The following FANCD2 variants were observed in gnomAD, a reference collection of about 807,000 sequenced individuals.
FANCD2 encodes Fanconi anemia group D2 protein.
Under a neutral mutation model 192.3 loss-of-function variants are expected in FANCD2, and 131 were observed. The ratio of observed to expected loss-of-function variants is 0.68; its 90% CI spans 0.59 to 0.79. The LOEUF is 0.79. FANCD2 is among the 30% of genes least tolerant of loss of function. The pLI is 0.00. For missense variants in FANCD2, 1,508 were observed against 1,701.6 expected (o/e 0.89, Z 2.00); for synonymous variants, 524 against 612.5 (o/e 0.86, Z 2.13).
intron 6 of FANCD2, 40 bp downstream of exon 6, chr3:10,035,273 G>C (rs555626508): frequency 1.3e-6 from 2 of 1,546,664 alleles, no homozygotes; most frequent in South Asian, 1.1e-5. Flanking sequence ...TGATGGAAGA[G>C]GTTTGTGGTG....
At chr3:10,047,460 A>G (rs1225638490) in intron 15 of FANCD2, among the ~76,000 whole-genome samples, 2 of 152,304 alleles carry the variant, frequency 1.3e-5, no homozygotes, top group African/African-American at 4.8e-5. Context: ...ATTAATGTCT[A>G]TGTACATTGA....
In FANCD2 at chr3:10,035,181, C is replaced by T. The variant is rs932141545; in HGVS notation, c.386C>T (p.Ala129Val). 5.0e-6 allele frequency: 8 copies of T among 1,612,286 alleles called. No homozygotes were observed. The African/African-American group carries it at 6.7e-5, about 13-fold the overall frequency. Residue 129 changes from alanine to valine, a missense_variant, in exon 6 of 44, where the codon GCA becomes GTA. Ala to Val is a moderately conservative substitution (Grantham distance 64). This residue lies in a region of FANCD2 where 435 missense variants were observed against 421.9 expected (regional missense o/e 1.03). Transcript: ENST00000675286. ...TTCTTTTTTTTTTACAGTATGGGTG[C>T]ATCTTATTCTAAGAGTCTCATCAAA... ...RLQDEEASMG[A>V]SYSKSLIKLL...
intron 43 of FANCD2, 48 bp from the exon 44 acceptor site, chr3:10,101,140 C>A (rs775919604): frequency 2.2e-6 from 3 of 1,390,248 alleles, no homozygotes; most frequent in Non-Finnish European, 2.0e-6. Context: ...CAGAGGTCAC[C>A]CAGAGCAGTA....
chr3:10,054,400 TATGTATATACGTATATACATATATAC>T (rs1430958356), intron 18 of FANCD2, among the ~76,000 whole-genome samples: 1 of 105,300 alleles, frequency 9.5e-6, no homozygotes, highest in Non-Finnish European at 1.8e-5. Flanking sequence ...TATATACGTA[TATGTATATACGTATATACATATATAC>T]ATGTATATAC....
Position 10,101,398 on chromosome 3 carries a change from TTTTTA to T in FANCD2, c.*137_*141del. ...TCCTCTTTTTTTTTTTTTTTTTTTT[TTTTTA>T]AAGACGGGGACTCGCTGTGTTTCCC... On this transcript the variant is annotated 3_prime_UTR_variant, in exon 44 of 44. Coordinates refer to ENST00000675286, the MANE Select transcript of FANCD2 (RefSeq NM_001018115.3). The T allele has an allele frequency of 1.5e-6, 1 of 676,004 alleles. No homozygotes were observed. The highest frequency in any genetic ancestry group is 2.5e-6 in the Non-Finnish European group (1 of 396,816). 41.9% of individuals were successfully genotyped at this position (676,004 alleles called of 1,614,324 possible).
At chr3:10,099,812 A>G (rs1695198591) in intron 43 of FANCD2, among the ~76,000 whole-genome samples, 1 of 152,202 alleles carries the variant, frequency 6.6e-6, no homozygotes, top group South Asian at 2.1e-4. Flanking sequence ...CAGGTAGGTT[A>G]TAGACACCAA....
chr3:10,092,334 G>A lies in FANCD2; in HGVS notation c.3849+82G>A, dbSNP rs983077153. 9 of 1,057,508 alleles carry A rather than the reference G, an allele frequency of 8.5e-6. No homozygotes were observed. In the Admixed American group the frequency reaches 1.0e-4, roughly 12 times the overall value. The allele number at this position is 1,057,508 out of a possible 1,614,324, so 65.5% of individuals were successfully genotyped here. A position where few individuals can be genotyped will look rare whatever the true frequency, so the allele number is the denominator to read the frequency against. ...CTGGCTTCCAAAATGGACTTTCCTT[G>A]CTCCTCTTCCCACTCTTCCTTGGGG... On this transcript the variant is annotated intron_variant, in intron 38 of 43. Coordinates refer to ENST00000675286, the MANE Select transcript of FANCD2 (RefSeq NM_001018115.3).
intron 43 of FANCD2, chr3:10,099,310 A>G (rs1470502337): frequency 5.7e-6 from 7 of 1,222,224 alleles, no homozygotes; most frequent in Admixed American, 8.3e-5. Flanking sequence ...GCTTTCGACA[A>G]TTTAAAGAAA....
chr3:10,079,277 C>T (rs1296467461), intron 30 of FANCD2, among the ~76,000 whole-genome samples: 1 of 151,684 alleles, frequency 6.6e-6, no homozygotes, highest in Admixed American at 6.6e-5. Flanking sequence ...AAGTCTGAAA[C>T]AGAAAATAGA....
Position 10,035,170 on chromosome 3 carries a change from C to T in FANCD2, c.378-3C>T, listed in dbSNP as rs74923817. 3 of 1,604,300 alleles carry T rather than the reference C, an allele frequency of 1.9e-6. No homozygotes were observed. Among genetic ancestry groups the T allele is most frequent in the Non-Finnish European group, 2.6e-6 (3 of 1,173,416 alleles). On this transcript the variant is annotated splice_region_variant and splice_polypyrimidine_tract_variant and intron_variant, in intron 5 of 43. Transcript: ENST00000675286. ...GGAAAACAGATTTCTTTTTTTTTTA[C>T]AGTATGGGTGCATCTTATTCTAAGA...
chr3:10,071,127 A>G (rs866431585), intron 26 of FANCD2, among the ~76,000 whole-genome samples: 5,067 of 98,602 alleles, frequency 0.051, 288 homozygotes, highest in African/African-American at 0.22. Context: ...ATGATCGATA[A>G]AAAAAAAAAA....
chr3:10,094,869 A>G (rs1694859186), intron 40 of FANCD2: 3 of 390,260 alleles, frequency 7.7e-6, no homozygotes, highest in East Asian at 5.4e-5. Flanking sequence ...TACTCACCAT[A>G]TTTGGTTGGT....
chr3:10,053,477 T>C (rs770327387), intron 18 of FANCD2, among the ~76,000 whole-genome samples: 1 of 151,826 alleles, frequency 6.6e-6, no homozygotes, highest in Non-Finnish European at 1.5e-5. Flanking sequence ...TGTATACATA[T>C]GTAACTAACC....
intron 43 of FANCD2, among the ~76,000 whole-genome samples, chr3:10,100,412 C>T (rs551986199): frequency 2.0e-5 from 3 of 152,274 alleles, no homozygotes; most frequent in East Asian, 1.9e-4. Flanking sequence ...CTCCCTCTGT[C>T]GCCCAGGCTA....
At chr3:10,042,063 A>C (rs1458614901) in intron 10 of FANCD2, among the ~76,000 whole-genome samples, 1 of 151,912 alleles carries the variant, frequency 6.6e-6, no homozygotes, top group Non-Finnish European at 1.5e-5. Context: ...ACTCCCGGCT[A>C]ATTTTTGTAT....
intron 20 of FANCD2, among the ~76,000 whole-genome samples, 177 bp downstream of exon 20, chr3:10,062,388 G>C (rs993588044): frequency 6.6e-6 from 1 of 151,740 alleles, no homozygotes; most frequent in South Asian, 2.1e-4. Flanking sequence ...TTACAGGCAC[G>C]CACCACCACA....
chr3:10,077,810 A>T (rs1185798404), intron 29 of FANCD2, among the ~76,000 whole-genome samples: 4 of 152,008 alleles, frequency 2.6e-5, no homozygotes, highest in African/African-American at 9.7e-5. Context: ...CAGAAGGATC[A>T]TCTGAGCCCA....
intron 34 of FANCD2, among the ~76,000 whole-genome samples, 170 bp downstream of exon 34, chr3:10,087,434 G>A (rs17609118): frequency 0.013 from 1,990 of 151,706 alleles, 21 homozygotes; most frequent in Admixed American, 0.03. Flanking sequence ...CAACCTGACT[G>A]ATTTCTGCTA....
intron 32 of FANCD2, chr3:10,081,667 C>T (rs1284673455): frequency 1.7e-6 from 1 of 603,976 alleles, no homozygotes; most frequent in Admixed American, 2.7e-5. Flanking sequence ...CTATGTTAAC[C>T]CATTTGACAG....
Sources: allele counts gnomAD v4.1 joint callset (sites outside exome capture counted in the v4.1 genomes callset), GRCh38; gene constraint gnomAD v4.1.1; regional missense constraint gnomAD v4.1.1; transcripts MANE v1.5; gene names NCBI Gene and HGNC (gene_info 2026-07-23, HGNC 2026-07-21).